The following CA2 variants were observed in gnomAD, a reference collection of about 807,000 sequenced individuals.
CA2 encodes the protein carbonic anhydrase 2.
CA2 carries 23 observed loss-of-function variants against 27.8 expected under a neutral mutation model. The ratio of observed to expected loss-of-function variants is 0.83; its 90% CI spans 0.59 to 1.17. The LOEUF is 1.17. Among genes scored for constraint, CA2 ranks in the 50% most tolerant of loss-of-function variants. The pLI is 0.00. For missense variants in CA2, 300 were observed against 314.7 expected (o/e 0.95, Z 0.35); for synonymous variants, 99 against 114.9 (o/e 0.86, Z 0.88).
At chr8:85,477,665 C>T (rs927288062) in intron 6 of CA2, among the ~76,000 whole-genome samples, 3 of 151,976 alleles carry the variant, frequency 2.0e-5, no homozygotes, top group Admixed American at 6.6e-5. Flanking sequence ...GGGCTTTCTG[C>T]TATTTTATTT....
intron 2 of CA2, among the ~76,000 whole-genome samples, chr8:85,470,175 A>C (rs1428591327): frequency 6.6e-6 from 1 of 152,158 alleles, no homozygotes; most frequent in Admixed American, 6.5e-5. Context: ...AACTGTGTTT[A>C]CTCTAGCGAA....
In CA2 at chr8:85,468,020, C is replaced by A. The variant is rs566644059; in HGVS notation, c.232+2551C>A. Among the ~76,000 whole-genome samples, 12 of 152,282 alleles carry A rather than the reference C, an allele frequency of 7.9e-5. No individual in the cohort carries two copies. The South Asian group carries it at 2.5e-3, about 32-fold the overall frequency. ...CCTCTCCTGTTCCCCGGAGCCCATG[C>A]TGGAAATATCTAAAGTAGAAAGACA... On this transcript the variant is annotated intron_variant, in intron 2 of 6. Transcript: ENST00000285379.
chr8:85,474,097 C>G, intron 3 of CA2: 2 of 610,138 alleles, frequency 3.3e-6, no homozygotes, highest in Admixed American at 2.9e-5. Context: ...TGCCTTCTGT[C>G]AAAACTGTAC....
intron 3 of CA2, 141 bp from the exon 4 acceptor site, chr8:85,474,183 T>G: frequency 1.3e-6 from 1 of 743,684 alleles, no homozygotes; most frequent in Admixed American, 2.0e-5. Flanking sequence ...AGAATTAAAA[T>G]GAAAGGAAAA....
intron 5 of CA2, among the ~76,000 whole-genome samples, chr8:85,476,355 T>C (rs1047731111): frequency 1.3e-5 from 2 of 152,206 alleles, no homozygotes; most frequent in African/African-American, 4.8e-5. Flanking sequence ...TTGAGGTCGT[T>C]GAGCATCTGT....
chr8:85,472,328 C>T (rs1388863231), intron 2 of CA2, among the ~76,000 whole-genome samples: 3 of 152,026 alleles, frequency 2.0e-5, no homozygotes, highest in Non-Finnish European at 2.9e-5. Flanking sequence ...AACTAAACTA[C>T]TTTTAAAAGC....
chr8:85,478,542 C>T (rs534162020), intron 6 of CA2, among the ~76,000 whole-genome samples: 3 of 152,040 alleles, frequency 2.0e-5, no homozygotes, highest in African/African-American at 7.2e-5. Context: ...CATTTAGAGC[C>T]ATTATAACAA....
At chr8:85,479,146 G>T (rs1811850865) in intron 6 of CA2, among the ~76,000 whole-genome samples, 1 of 152,098 alleles carries the variant, frequency 6.6e-6, no homozygotes, top group Non-Finnish European at 1.5e-5. Flanking sequence ...AGTATAAATG[G>T]GTCTGCTAAT....
rs191841326 is a variant in CA2 at position 85,468,891 on chromosome 8, T to C, written c.232+3422T>C. Among the ~76,000 whole-genome samples, 75 of 151,452 alleles carry C rather than the reference T, an allele frequency of 5.0e-4. 2 individuals are homozygous for C. The highest frequency in any genetic ancestry group is 3.6e-3 in the Admixed American group (55 of 15,220). ...AGGCTCTCAAAGCCAAAACAAAGAA[T>C]AGAGATACTCTAGTTAAACTCACCT... On this transcript the variant is annotated intron_variant, in intron 2 of 6. Transcript: ENST00000285379.
At position 85,480,727 on chromosome 8, in the gene CA2, G is replaced by T. The variant is rs748688067; in HGVS notation, c.721G>T (p.Val241Leu). 1.9e-6 allele frequency: 3 copies of T among 1,613,886 alleles called. No individual in the cohort carries two copies. Among genetic ancestry groups the T allele is most frequent in the Non-Finnish European group, 2.5e-6 (3 of 1,179,850 alleles). The change falls in exon 7 of 7, where the codon GTG (valine) becomes TTG (leucine). Residue 241 changes from valine to leucine, a missense_variant. Around this residue, in one of 3 missense-constraint regions of CA2, gnomAD observed 173 missense variants for 161.0 expected, o/e 1.07. Coordinates refer to ENST00000285379, the MANE Select transcript of CA2 (RefSeq NM_000067.3). ...GGAGGGTGAACCCGAAGAACTGATG[G>T]TGGACAACTGGCGCCCAGCTCAGCC... ...NGEGEPEELM[V>L]DNWRPAQPLK...
intron 2 of CA2, among the ~76,000 whole-genome samples, chr8:85,469,938 A>G (rs1811690674): frequency 6.6e-6 from 1 of 152,126 alleles, no homozygotes. Context: ...TTGCTTTTGA[A>G]GCTCTAAAAG....
intron 4 of CA2, 56 bp downstream of exon 4, chr8:85,474,472 C>A: frequency 1.6e-6 from 2 of 1,249,776 alleles, no homozygotes; most frequent in Non-Finnish European, 2.4e-6. Flanking sequence ...AATGACCAGA[C>A]AGAGTATTTG....
chr8:85,464,222 G>C (rs1339622226), intron 1 of CA2, 107 bp downstream of exon 1: 3 of 1,066,052 alleles, frequency 2.8e-6, no homozygotes. Context: ...CGCACATGCT[G>C]TTTACCGCGG....
intron 2 of CA2, chr8:85,473,273 G>A (rs1811736711): frequency 2.6e-6 from 1 of 385,478 alleles, no homozygotes; most frequent in Admixed American, 3.2e-5. Context: ...GTGTGTAGCA[G>A]ACCAATTTAT....
At chr8:85,472,678 T>A (rs1225083596) in intron 2 of CA2, among the ~76,000 whole-genome samples, 1 of 152,042 alleles carries the variant, frequency 6.6e-6, no homozygotes, top group Non-Finnish European at 1.5e-5. Flanking sequence ...GATGAGTAAA[T>A]TAAGGTCAAA....
intron 2 of CA2, among the ~76,000 whole-genome samples, chr8:85,471,069 A>G (rs527493654): frequency 6.6e-6 from 1 of 152,314 alleles, no homozygotes; most frequent in South Asian, 2.1e-4. Flanking sequence ...AAGTAGATCC[A>G]GAATATAGCA....
Position 85,465,463 on chromosome 8 carries a change from A to T in CA2, c.226A>T (p.Lys76Ter). 1 of 1,613,502 alleles carries T rather than the reference A, an allele frequency of 6.2e-7. No individual in the cohort carries two copies. Among genetic ancestry groups the T allele is most frequent in the Non-Finnish European group, 8.5e-7 (1 of 1,179,568 alleles). The change falls in exon 2 of 7, where the codon AAA becomes TAA. Residue 76 changes from lysine to a stop codon, truncating the protein, a stop_gained. Transcript: ENST00000285379. LOFTEE classifies it high-confidence loss of function. ...CGTGGAGTTTGATGACTCTCAGGACAAAGCAGGTCAGTGTTTAGAAAATAA... is the reference window on the plus strand; with the variant it reads ...CGTGGAGTTTGATGACTCTCAGGACTAAGCAGGTCAGTGTTTAGAAAATAA... ...FNVEFDDSQD[K>*]AVLKGGPLDG...
intron 1 of CA2, 199 bp downstream of exon 1, chr8:85,464,314 G>T (rs908548593): frequency 4.2e-6 from 2 of 480,968 alleles, no homozygotes; most frequent in Non-Finnish European, 7.2e-6. Flanking sequence ...TGTCCCCCTT[G>T]CCCCAGCTGC....
chr8:85,465,251 C>T, intron 1 of CA2, 21 bp from the exon 2 acceptor site: 1 of 1,597,754 alleles, frequency 6.3e-7, no homozygotes, highest in Non-Finnish European at 8.6e-7. Context: ...ATGGGGGATT[C>T]ACATGTCTTC....
Sources: allele counts gnomAD v4.1 joint callset (sites outside exome capture counted in the v4.1 genomes callset), GRCh38; gene constraint gnomAD v4.1.1; regional missense constraint gnomAD v4.1.1; transcripts MANE v1.5; gene names NCBI Gene and HGNC (gene_info 2026-07-23, HGNC 2026-07-21).